MACROD1: variants seen among roughly 807,000 people sequenced by gnomAD.
MACROD1 encodes mono-ADP ribosylhydrolase 1.
In MACROD1, 31 loss-of-function variants were observed where a neutral mutation model predicts 41.4. That is an observed-to-expected ratio of 0.75 (90% confidence interval 0.56 to 1.01). The LOEUF (loss-of-function observed/expected upper bound fraction) is 1.01. Among genes scored for constraint, MACROD1 ranks in the 50% least tolerant of loss-of-function variants. MACROD1 has a pLI of 0.00. For synonymous variants in MACROD1, 252 were observed against 203.4 expected, an observed-to-expected ratio of 1.24 and a Z score of -2.03; for missense variants, 473 against 460.0, an observed-to-expected ratio of 1.03 and a Z score of -0.26.
At chr11:64,098,243 A>C (rs1455006795) in intron 3 of MACROD1, among the ~76,000 whole-genome samples, 1 of 152,144 alleles carries the variant, frequency 6.6e-6, no homozygotes, top group Non-Finnish European at 1.5e-5. Flanking sequence ...CCCTCAGTGC[A>C]GCATTCAGAG....
intron 3 of MACROD1, among the ~76,000 whole-genome samples, chr11:64,147,708 G>A (rs1407192346): frequency 1.3e-5 from 2 of 151,324 alleles, no homozygotes; most frequent in African/African-American, 4.9e-5. Flanking sequence ...ACAGGTGTGA[G>A]CCATCGTACC....
chr11:64,159,374 T>A (rs1337786337), intron 1 of MACROD1, among the ~76,000 whole-genome samples: 1 of 149,978 alleles, frequency 6.7e-6, no homozygotes, highest in Non-Finnish European at 1.5e-5. Context: ...CACACACCTG[T>A]AATCCCAGCT....
intron 1 of MACROD1, among the ~76,000 whole-genome samples, chr11:64,158,717 A>T (rs1026421614): frequency 9.5e-5 from 12 of 126,562 alleles, no homozygotes; most frequent in African/African-American, 2.7e-4. Context: ...GGGCTGTTGG[A>T]ACAAGGACCC....
chr11:64,143,753 TACACACACAC>T lies in MACROD1; in HGVS notation c.517+7476_517+7485del, dbSNP rs55995667. On this transcript the variant is annotated intron_variant, in intron 3 of 10. Coordinates refer to ENST00000255681, the MANE Select transcript of MACROD1 (RefSeq NM_014067.4). ...CCTTCCCCCAACCCCGACACACACA[TACACACACAC>T]ACACACACACACACACACACACACA... Among the ~76,000 whole-genome samples, 170 of 101,672 alleles carry T rather than the reference TACACACACAC, an allele frequency of 1.7e-3. 3 individuals carry two copies. The highest frequency in any genetic ancestry group is 0.013 in the East Asian group (43 of 3,378). The allele number at this position is 101,672 out of a possible 152,430, so 66.7% of individuals were successfully genotyped here. A position where few individuals can be genotyped will look rare whatever the true frequency, so the allele number is the denominator to read the frequency against.
At position 64,090,661 on chromosome 11, in the gene MACROD1, C is replaced by A. The variant is rs1419285328; in HGVS notation, c.517+60578G>T. 6.6e-6 allele frequency among the ~76,000 whole-genome samples: 1 copy of A among 152,154 alleles called. No homozygotes were observed. Among genetic ancestry groups the A allele is most frequent in the East Asian group, 1.9e-4 (1 of 5,184 alleles). On this transcript the variant is annotated intron_variant, in intron 3 of 10. Transcript: ENST00000255681. The surrounding 1 kb of genome is among the most constrained non-coding windows in gnomAD (Gnocchi z 4.7). ...GCGCAGCCCCAGGCCTTGTCCCCAG[C>A]CACCAACAGACCACTTCTCTGAGGC... is the stretch of plus-strand genomic sequence containing the variant.
chr11:64,101,255 G>A (rs1182594519), intron 3 of MACROD1, among the ~76,000 whole-genome samples: 1 of 152,142 alleles, frequency 6.6e-6, no homozygotes, highest in Non-Finnish European at 1.5e-5. Context: ...CACGGCTGGT[G>A]GGCTGGGCAG....
chr11:64,116,075 C>G (rs1944973398), intron 3 of MACROD1: 2 of 783,592 alleles, frequency 2.6e-6, no homozygotes, highest in East Asian at 5.4e-5. Flanking sequence ...ACAAAGGCCA[C>G]TCCTCCAGCT....
chr11:64,031,327 G>A (rs1300662868), intron 3 of MACROD1, among the ~76,000 whole-genome samples: 1 of 152,162 alleles, frequency 6.6e-6, no homozygotes, highest in Non-Finnish European at 1.5e-5. Flanking sequence ...CTCTGCGCCA[G>A]GGCCCACCCT....
chr11:64,040,199 G>C (rs540801987), intron 3 of MACROD1, among the ~76,000 whole-genome samples: 1 of 152,080 alleles, frequency 6.6e-6, no homozygotes, highest in South Asian at 2.1e-4. Context: ...CCTCTTCCCC[G>C]TGAAGCCTTG....
chr11:64,010,133 G>GTTGGTTGGGGTGTTGGTTGGGGGT (rs1942980649), intron 4 of MACROD1, among the ~76,000 whole-genome samples: 2 of 145,656 alleles, frequency 1.4e-5, no homozygotes, highest in African/African-American at 5.2e-5. Flanking sequence ...TGGTTGGGGG[G>GTTGGTTGGGGTGTTGGTTGGGGGT]TTGGTTGGGG....
At position 64,096,257 on chromosome 11, in the gene MACROD1, C is replaced by T. The variant is rs1412875984; in HGVS notation, c.517+54982G>A. Among the ~76,000 whole-genome samples, 1 of 152,198 alleles carries T rather than the reference C, an allele frequency of 6.6e-6. No individual in the cohort carries two copies. The highest frequency in any genetic ancestry group is 2.4e-5 in the African/African-American group (1 of 41,450). On this transcript the variant is annotated intron_variant, in intron 3 of 10. Coordinates refer to ENST00000255681, the MANE Select transcript of MACROD1 (RefSeq NM_014067.4). The surrounding 1 kb of genome is among the most constrained non-coding windows in gnomAD (Gnocchi z 4.6). ...CCACTGTTCTGCCGACAAAAGCAGG[C>T]CAATTTCCTGAAAGAAGAGGTTCCG...
At chr11:64,054,020 C>T (rs1008085068) in intron 3 of MACROD1, among the ~76,000 whole-genome samples, 1 of 152,176 alleles carries the variant, frequency 6.6e-6, no homozygotes, top group African/African-American at 2.4e-5. Flanking sequence ...CTTGCTCCCA[C>T]GTGGTTCAGA....
At chr11:63,999,201 C>A in intron 8 of MACROD1, 130 bp downstream of exon 8, 1 of 1,383,238 alleles carries the variant, frequency 7.2e-7, no homozygotes, top group South Asian at 1.3e-5. Context: ...GGCGCCCTTG[C>A]GCAGGAGAAA....
At chr11:64,070,593 G>A (rs1367841895) in intron 3 of MACROD1, among the ~76,000 whole-genome samples, 2 of 152,140 alleles carry the variant, frequency 1.3e-5, no homozygotes, top group Non-Finnish European at 2.9e-5. Flanking sequence ...CCTCTCCCCC[G>A]GAGGGGCCCC....
At chr11:64,162,258 C>T (rs1025033351) in intron 1 of MACROD1, among the ~76,000 whole-genome samples, 1 of 152,054 alleles carries the variant, frequency 6.6e-6, no homozygotes, top group East Asian at 1.9e-4. Flanking sequence ...GTGGGAGGAT[C>T]GCTTGAGCCC....
chr11:64,156,807 C>T (rs999970371), intron 1 of MACROD1, among the ~76,000 whole-genome samples: 1 of 152,190 alleles, frequency 6.6e-6, no homozygotes, highest in Non-Finnish European at 1.5e-5. Context: ...TCTGTCAGCC[C>T]GTCCCTTCTA....
chr11:64,048,972 C>G (rs1943638490), intron 3 of MACROD1, among the ~76,000 whole-genome samples: 1 of 134,792 alleles, frequency 7.4e-6, no homozygotes, highest in African/African-American at 3.1e-5. Flanking sequence ...CATTTTAGAG[C>G]CAAGGAAACT....
Position 64,165,943 on chromosome 11 carries a change from C to T in MACROD1, c.52G>A (p.Gly18Arg). ...SGRLAQLRAA[G>R]QLLVPPRPRP... ...GGGCGCGGGGGGACGAGCAGCTGCC[C>T]CGCCGCGCGCAGCTGTGCCAGGCGG... The change falls in exon 1 of 11, where the codon GGG becomes AGG. Residue 18 changes from glycine to arginine, a missense_variant. Physicochemically the swap from Gly to Arg is moderately radical, Grantham distance 125. Coordinates refer to ENST00000255681, the MANE Select transcript of MACROD1 (RefSeq NM_014067.4). The T allele has an allele frequency of 1.5e-6, 2 of 1,318,076 alleles. No homozygotes were observed. Among genetic ancestry groups the T allele is most frequent in the Admixed American group, 4.2e-5 (1 of 24,076 alleles). The allele number at this position is 1,318,076 out of a possible 1,614,324, so 81.6% of individuals were successfully genotyped here.
chr11:64,005,495 C>T (rs1942895460), intron 4 of MACROD1, among the ~76,000 whole-genome samples: 1 of 152,206 alleles, frequency 6.6e-6, no homozygotes, highest in Non-Finnish European at 1.5e-5. Context: ...GGGAGGTGAA[C>T]AGGAAGGGGG....
Sources: gnomAD v4.1 joint callset for allele counts (sites outside exome capture counted in the v4.1 genomes callset) on GRCh38, gnomAD v4.1.1 for gene constraint, Gnocchi (gnomAD v3.1) non-coding constraint, MANE v1.5 for transcripts, NCBI Gene and HGNC (gene_info 2026-07-23, HGNC 2026-07-21) for gene names.